Variants in RPS24 observed in about 807,000 individuals in gnomAD.
The protein encoded by RPS24 is ribosomal protein S24.
For synonymous variants in RPS24, 72 were observed against 55.6 expected (o/e 1.30, Z -1.31); for missense variants, 100 against 162.5 (o/e 0.62, Z 2.09).
intron 4 of RPS24, among the ~76,000 whole-genome samples, chr10:78,051,468 A>G (rs1443603225): frequency 6.6e-6 from 1 of 152,246 alleles, no homozygotes; most frequent in Non-Finnish European, 1.5e-5. Context: ...GTGTGGATTT[A>G]CCACGTCAAC....
intron 4 of RPS24, 165 bp downstream of exon 4, chr10:78,037,469 A>G (rs1156792596): frequency 8.3e-7 from 1 of 1,197,658 alleles, no homozygotes; most frequent in Non-Finnish European, 1.1e-6. Context: ...ACTATGTAGC[A>G]TAGTGTCTTA....
In RPS24 at chr10:78,055,296, G is replaced by A. The variant is rs561879004; in HGVS notation, c.*286G>A. On this transcript the variant is annotated 3_prime_UTR_variant, in exon 5 of 5. Transcript: ENST00000440692. ...TCCTAGTTTTAATTTTTCCTCGTCAGCAGTTGATTTTATTATTTTCTTGTT... is the reference window on the plus strand; with the variant it reads ...TCCTAGTTTTAATTTTTCCTCGTCAACAGTTGATTTTATTATTTTCTTGTT... 33 of 349,810 alleles carry A rather than the reference G, an allele frequency of 9.4e-5. No homozygotes were observed. The East Asian group carries it at 1.4e-3, about 15-fold the overall frequency. 21.7% of individuals were successfully genotyped at this position (349,810 alleles called of 1,614,324 possible).
At chr10:78,034,074 C>T (rs1181964585) in intron 1 of RPS24, 170 bp downstream of exon 1, 13 of 757,330 alleles carry the variant, frequency 1.7e-5, no homozygotes, top group Non-Finnish European at 2.3e-5. Context: ...GGCGTCCGGG[C>T]TGGCGGGCTG....
rs543132936 is a variant in RPS24 at position 78,052,245 on chromosome 10, C to T, written c.391-2286C>T. ...TTCACCATGTTGGCCAGGCTGGTCT[C>T]GGACTCCTGGCCTCAAGTGATCCAC... On this transcript the variant is annotated intron_variant, in intron 4 of 4. Coordinates refer to the RPS24 transcript ENST00000440692. 7.8e-4 allele frequency among the ~76,000 whole-genome samples: 118 copies of T among 152,102 alleles called. No individual in the cohort carries two copies. The East Asian group carries it at 0.015, about 19-fold the overall frequency.
At chr10:78,055,135 A>T in exon 5 of RPS24, 1 of 1,407,230 alleles carries the variant, frequency 7.1e-7, no homozygotes, top group East Asian at 2.5e-5. Flanking sequence ...CTCTGTTCAG[A>T]ACCCTCCAGG....
chr10:78,042,673 T>C (rs2131987303), downstream of RPS24, among the ~76,000 whole-genome samples: 1 of 152,294 alleles, frequency 6.6e-6, no homozygotes, highest in Non-Finnish European at 1.5e-5. Context: ...AGCTTGTCAC[T>C]GATGGGAAGC....
intron 1 of RPS24, chr10:78,034,315 C>T (rs7071351): frequency 2.5e-5 from 7 of 284,760 alleles, no homozygotes; most frequent in African/African-American, 1.1e-4. Flanking sequence ...GGGCGAGTTG[C>T]GGCAAGTGAA....
At chr10:78,038,005 G>A (rs1212819521) in intron 4 of RPS24, 1 of 1,279,498 alleles carries the variant, frequency 7.8e-7, no homozygotes, top group Admixed American at 2.4e-5. Context: ...TAAGCACGGT[G>A]TGGGGATGCA....
chr10:78,048,224 T>A lies in RPS24; in HGVS notation c.391-6307T>A, dbSNP rs554806376. On this transcript the variant is annotated intron_variant, in intron 4 of 4. Coordinates refer to the RPS24 transcript ENST00000440692. Reference sequence around the variant, plus strand: ...GTGGAATCTCTCAAACAAGATTTTTTAAAAAGTCCATATCTTCAGACATCC... The same window carrying A: ...GTGGAATCTCTCAAACAAGATTTTTAAAAAAGTCCATATCTTCAGACATCC... Among the ~76,000 whole-genome samples, 7 of 152,326 alleles carry A rather than the reference T, an allele frequency of 4.6e-5. No homozygotes were observed. In the East Asian group the frequency reaches 5.8e-4, roughly 13 times the overall value.
downstream of RPS24, among the ~76,000 whole-genome samples, chr10:78,045,058 A>T (rs1848029148): frequency 6.6e-6 from 1 of 152,028 alleles, no homozygotes; most frequent in South Asian, 2.1e-4. Context: ...GCACGACCTC[A>T]GCTCACTGCA....
downstream of RPS24, among the ~76,000 whole-genome samples, chr10:78,043,015 A>T (rs199534638): frequency 6.8e-6 from 1 of 147,656 alleles, no homozygotes; most frequent in African/African-American, 2.5e-5. Context: ...ATACACACAT[A>T]TTTTTTTTGA....
At chr10:78,045,266 C>T (rs563771406), downstream of RPS24, among the ~76,000 whole-genome samples, 39 of 152,168 alleles carry the variant, frequency 2.6e-4, no homozygotes, top group African/African-American at 7.5e-4. Flanking sequence ...GGATTACCGT[C>T]GTGAGGCACC....
chr10:78,037,902 C>CTTTTTTTTTTTTTTTTTTTTT (rs55902139), intron 4 of RPS24: 419 of 379,886 alleles, frequency 1.1e-3, no homozygotes, highest in East Asian at 3.8e-3. Flanking sequence ...GTTCTGTGAA[C>CTTTTTTTTTTTTTTTTTTTTT]TTTTTTTTTT....
intron 4 of RPS24, chr10:78,038,591 TAA>T (rs1388204768): frequency 6.6e-6 from 1 of 152,010 alleles, no homozygotes; most frequent in Non-Finnish European, 1.5e-5. Context: ...TGTATTCATA[TAA>T]AAGTCTTTGG....
intron 4 of RPS24, among the ~76,000 whole-genome samples, chr10:78,053,186 C>CAAAA (rs57899265): frequency 3.5e-5 from 5 of 140,976 alleles, no homozygotes; most frequent in Admixed American, 7.1e-5. Flanking sequence ...ACAACAACAA[C>CAAAA]AAAAAAAAAA....
downstream of RPS24, among the ~76,000 whole-genome samples, chr10:78,045,442 G>C (rs190441204): frequency 1.1e-3 from 169 of 152,120 alleles, no homozygotes; most frequent in Non-Finnish European, 1.8e-3. Context: ...TCTGCTATCC[G>C]GGCTAGATGA....
intron 4 of RPS24, among the ~76,000 whole-genome samples, chr10:78,047,542 G>T (rs1848057651): frequency 6.6e-6 from 1 of 152,212 alleles, no homozygotes; most frequent in Non-Finnish European, 1.5e-5. Context: ...CATGAAAAAA[G>T]CTTGATGCCA....
rs147190268 is a variant in RPS24 at position 78,052,772 on chromosome 10, T to C, written c.391-1759T>C. 4.6e-5 allele frequency among the ~76,000 whole-genome samples: 7 copies of C among 152,250 alleles called. No individual in the cohort carries two copies. In the East Asian group the frequency reaches 1.4e-3, roughly 29 times the overall value. ...ACGTACCCTTGGTCAAGGGCTATCA[T>C]GTGAAAGAAGGGTAACATTTGTCCT... is the stretch of plus-strand genomic sequence containing the variant. On this transcript the variant is annotated intron_variant, in intron 4 of 4. Transcript: ENST00000440692.
chr10:78,034,157 C>T (rs1351226570), intron 1 of RPS24: 2 of 281,010 alleles, frequency 7.1e-6, no homozygotes, highest in African/African-American at 5.2e-5. Context: ...CGCTTGTTGA[C>T]TTCGTGGAGC....
Sources: allele counts gnomAD v4.1 joint callset (sites outside exome capture counted in the v4.1 genomes callset), GRCh38; gene constraint gnomAD v4.1.1; transcripts MANE v1.5; gene names NCBI Gene and HGNC (gene_info 2026-07-23, HGNC 2026-07-21).